Variants in KCNS3 observed in about 807,000 individuals in gnomAD.
KCNS3 encodes the protein potassium voltage-gated channel modifier subfamily S member 3, also known as delayed-rectifier potassium channel regulatory subunit KCNS3.
A neutral mutation model predicts 31.0 loss-of-function variants in KCNS3; 13 were observed. The ratio of observed to expected loss-of-function variants is 0.42; its 90% CI spans 0.27 to 0.67. The LOEUF (loss-of-function observed/expected upper bound fraction) is 0.67. Among genes scored for constraint, KCNS3 ranks in the 30% least tolerant of loss-of-function variants. KCNS3 has a pLI of 0.25. For synonymous variants in KCNS3, 238 were observed against 241.5 expected, an observed-to-expected ratio of 0.99 and a Z score of 0.13; for missense variants, 545 against 622.4, an observed-to-expected ratio of 0.88 and a Z score of 1.32.
chr2:17,886,382 ATGT>A (rs540472151), intron 1 of KCNS3, among the ~76,000 whole-genome samples: 3 of 152,218 alleles, frequency 2.0e-5, no homozygotes, highest in Non-Finnish European at 1.5e-5. Flanking sequence ...TTGAGTGGAG[ATGT>A]TGTAGCAAAG....
At chr2:17,879,881 G>C (rs370156524) in intron 1 of KCNS3, among the ~76,000 whole-genome samples, 9,391 of 152,290 alleles carry the variant, frequency 0.062, 646 homozygotes, top group East Asian at 0.39. Flanking sequence ...CGTGAAGTGG[G>C]GGGAGGGGCG....
intron 1 of KCNS3, among the ~76,000 whole-genome samples, chr2:17,904,213 T>C (rs1406413579): frequency 6.6e-6 from 1 of 152,278 alleles, no homozygotes; most frequent in Admixed American, 6.5e-5. Flanking sequence ...TAGCCAGGGA[T>C]GATGAGCATT....
At chr2:17,896,996 A>G (rs1414598053) in intron 1 of KCNS3, among the ~76,000 whole-genome samples, 1 of 152,120 alleles carries the variant, frequency 6.6e-6, no homozygotes, top group African/African-American at 2.4e-5. Flanking sequence ...TTACCCAGGT[A>G]GTGAGCATAA....
At chr2:17,923,203 A>G (rs1320413630) in intron 2 of KCNS3, among the ~76,000 whole-genome samples, 1 of 152,174 alleles carries the variant, frequency 6.6e-6, no homozygotes, top group East Asian at 1.9e-4. Context: ...TTTGATTTGC[A>G]TTTTCCTAAT....
Position 17,922,669 on chromosome 2 carries a change from C to T in KCNS3, c.-60+4798C>T, listed in dbSNP as rs569403908. Among the ~76,000 whole-genome samples, 3 of 152,262 alleles carry T rather than the reference C, an allele frequency of 2.0e-5. No individual in the cohort carries two copies. The South Asian group carries it at 6.2e-4, about 32-fold the overall frequency. ...ATTAATAGTACCCATCTCCCCTCCC[C>T]CCAGCCCCCAGCAACCACTAATCTA... is the stretch of plus-strand genomic sequence containing the variant. On this transcript the variant is annotated intron_variant, in intron 2 of 2. Transcript: ENST00000304101.
chr2:17,881,246 T>C (rs1223784534), intron 1 of KCNS3, among the ~76,000 whole-genome samples: 1 of 152,076 alleles, frequency 6.6e-6, no homozygotes, highest in East Asian at 1.9e-4. Flanking sequence ...CTGCAGGGTA[T>C]GTTGAAGCAG....
chr2:17,930,584 T>C (rs1435859488), intron 2 of KCNS3, among the ~76,000 whole-genome samples: 1 of 152,176 alleles, frequency 6.6e-6, no homozygotes, highest in Non-Finnish European at 1.5e-5. Flanking sequence ...AGCTTGTGCT[T>C]GAATCTCTGG....
At chr2:17,883,858 A>G (rs917505829) in intron 1 of KCNS3, among the ~76,000 whole-genome samples, 1 of 152,120 alleles carries the variant, frequency 6.6e-6, no homozygotes, top group South Asian at 2.1e-4. Context: ...AAACAACCCA[A>G]ATGTCCAACA....
intron 2 of KCNS3, among the ~76,000 whole-genome samples, chr2:17,920,096 AG>A (rs1662677732): frequency 6.6e-6 from 1 of 152,264 alleles, no homozygotes; most frequent in African/African-American, 2.4e-5. Flanking sequence ...GAAAACTCTT[AG>A]AAGAATGTTC....
chr2:17,905,575 C>A (rs1265564461), intron 1 of KCNS3, among the ~76,000 whole-genome samples: 1 of 152,158 alleles, frequency 6.6e-6, no homozygotes, highest in Non-Finnish European at 1.5e-5. Flanking sequence ...TTTGCCCATT[C>A]AGTATGATAT....
At chr2:17,922,871 C>T (rs1662749285) in intron 2 of KCNS3, among the ~76,000 whole-genome samples, 1 of 152,106 alleles carries the variant, frequency 6.6e-6, no homozygotes, top group Non-Finnish European at 1.5e-5. Context: ...TAGATTATCT[C>T]CCCTTTTTCG....
At chr2:17,896,926 G>A (rs1425570104) in intron 1 of KCNS3, among the ~76,000 whole-genome samples, 2 of 151,926 alleles carry the variant, frequency 1.3e-5, no homozygotes, top group African/African-American at 4.8e-5. Context: ...GAGTATGTGT[G>A]CAGGTTTGTT....
intron 1 of KCNS3, among the ~76,000 whole-genome samples, chr2:17,883,594 C>T (rs939730049): frequency 6.6e-6 from 1 of 151,974 alleles, no homozygotes; most frequent in African/African-American, 2.4e-5. Flanking sequence ...TAAAAGGAGT[C>T]CATTAAGTGA....
At chr2:17,896,419 A>G (rs1019765018) in intron 1 of KCNS3, among the ~76,000 whole-genome samples, 6 of 152,196 alleles carry the variant, frequency 3.9e-5, no homozygotes, top group South Asian at 4.1e-4. Flanking sequence ...TACAAGTAGA[A>G]GCAAAATGAT....
At chr2:17,886,198 C>T (rs1661650999) in intron 1 of KCNS3, among the ~76,000 whole-genome samples, 1 of 152,140 alleles carries the variant, frequency 6.6e-6, no homozygotes, top group Non-Finnish European at 1.5e-5. Context: ...CTTCAACATG[C>T]TTATATATTT....
At chr2:17,896,109 C>T (rs147512106) in intron 1 of KCNS3, among the ~76,000 whole-genome samples, 270 of 152,290 alleles carry the variant, frequency 1.8e-3, no homozygotes, top group African/African-American at 6.2e-3. Flanking sequence ...GTGGCACAAT[C>T]ATAGTTCACT....
chr2:17,909,234 C>T (rs566901091), intron 1 of KCNS3, among the ~76,000 whole-genome samples: 182 of 152,294 alleles, frequency 1.2e-3, no homozygotes, highest in African/African-American at 4.1e-3. Context: ...AGTGAGGCTC[C>T]GTGGGCGTGG....
At chr2:17,879,716 G>A (rs938277885) in intron 1 of KCNS3, among the ~76,000 whole-genome samples, 1 of 152,232 alleles carries the variant, frequency 6.6e-6, no homozygotes, top group African/African-American at 2.4e-5. Flanking sequence ...TTTGGAGAAA[G>A]GAGCACCTTT....
At chr2:17,884,795 C>A (rs907594303) in intron 1 of KCNS3, among the ~76,000 whole-genome samples, 1 of 152,140 alleles carries the variant, frequency 6.6e-6, no homozygotes, top group African/African-American at 2.4e-5. Flanking sequence ...TGAATCCTAT[C>A]TCTGGCTTTA....
Sources: allele counts gnomAD v4.1 joint callset (sites outside exome capture counted in the v4.1 genomes callset), GRCh38; gene constraint gnomAD v4.1.1; transcripts MANE v1.5; gene names NCBI Gene and HGNC (gene_info 2026-07-23, HGNC 2026-07-21).